Variants in LGR5 observed in about 807,000 individuals in gnomAD.
LGR5 encodes leucine-rich repeat-containing G protein-coupled receptor 5.
In LGR5, 54 loss-of-function variants were observed where a neutral mutation model predicts 76.7. The observed-to-expected ratio is 0.70, with a 90% CI of 0.57 to 0.88. LGR5 has a LOEUF of 0.88. Ranked by LOEUF, LGR5 falls within the 40% of genes least tolerant of loss-of-function variation. LGR5 has a pLI of 0.00. For synonymous variants in LGR5, 406 were observed against 421.9 expected (o/e 0.96, Z 0.46); for missense variants, 1,078 against 1,073.3 (o/e 1.00, Z -0.06).
intron 9 of LGR5, 68 bp downstream of exon 9, chr12:71,566,543 TTA>T: frequency 1.3e-6 from 2 of 1,527,568 alleles, no homozygotes; most frequent in Non-Finnish European, 1.8e-6. Context: ...CAAATGAATA[TTA>T]TAGGTTGAAG....
At chr12:71,450,800 T>C (rs1872217764) in intron 1 of LGR5, among the ~76,000 whole-genome samples, 1 of 152,160 alleles carries the variant, frequency 6.6e-6, no homozygotes, top group African/African-American at 2.4e-5. Flanking sequence ...ATGGTCTACG[T>C]AGACCTCGAA....
intron 1 of LGR5, among the ~76,000 whole-genome samples, chr12:71,481,558 T>A (rs1873603680): frequency 6.6e-6 from 1 of 152,182 alleles, no homozygotes; most frequent in Non-Finnish European, 1.5e-5. Context: ...ATTAAACATA[T>A]GTGTGCGTGT....
chr12:71,493,207 A>G (rs1438772175), intron 1 of LGR5, among the ~76,000 whole-genome samples: 6 of 151,344 alleles, frequency 4.0e-5, no homozygotes, highest in Admixed American at 2.6e-4. Context: ...TTTTTCGGCT[A>G]TTTTTCTGGC....
intron 3 of LGR5, among the ~76,000 whole-genome samples, chr12:71,532,502 C>T (rs1005097171): frequency 2.0e-5 from 3 of 152,064 alleles, no homozygotes; most frequent in African/African-American, 4.8e-5. Flanking sequence ...GTAATACAAA[C>T]GTAATTACGT....
chr12:71,477,241 C>A (rs1280628411), intron 1 of LGR5, among the ~76,000 whole-genome samples: 1 of 151,980 alleles, frequency 6.6e-6, no homozygotes, highest in East Asian at 1.9e-4. Flanking sequence ...TCACCACAAA[C>A]AATAACCCTG....
intron 1 of LGR5, among the ~76,000 whole-genome samples, chr12:71,502,958 A>G (rs916040905): frequency 6.6e-6 from 1 of 152,212 alleles, no homozygotes; most frequent in African/African-American, 2.4e-5. Flanking sequence ...GAGAAAATCT[A>G]TGCTCTCCAC....
At chr12:71,552,083 G>A (rs979317597) in intron 4 of LGR5, among the ~76,000 whole-genome samples, 3 of 151,746 alleles carry the variant, frequency 2.0e-5, no homozygotes, top group East Asian at 1.9e-4. Context: ...GGGGCCTGTC[G>A]GCAGGTGGGG....
At chr12:71,560,676 C>T (rs564192655) in intron 7 of LGR5, among the ~76,000 whole-genome samples, 1 of 152,330 alleles carries the variant, frequency 6.6e-6, no homozygotes, top group Non-Finnish European at 1.5e-5. Flanking sequence ...CCTATAATCC[C>T]AGCTTCTTGG....
intron 2 of LGR5, among the ~76,000 whole-genome samples, chr12:71,521,902 C>A (rs1004828598): frequency 2.6e-5 from 4 of 152,200 alleles, no homozygotes; most frequent in African/African-American, 2.4e-5. Context: ...TAGTAAGACA[C>A]AAAGTGCTAC....
At chr12:71,465,075 C>T (rs926335387) in intron 1 of LGR5, among the ~76,000 whole-genome samples, 7 of 152,140 alleles carry the variant, frequency 4.6e-5, no homozygotes, top group Admixed American at 3.9e-4. Context: ...TGGAGGCAGG[C>T]GTCCCCCTCC....
intron 1 of LGR5, among the ~76,000 whole-genome samples, chr12:71,450,610 C>G (rs970558629): frequency 7.9e-5 from 12 of 152,186 alleles, no homozygotes; most frequent in African/African-American, 1.9e-4. Context: ...GGCCCAGCCT[C>G]TGTTCATAGT....
intron 4 of LGR5, among the ~76,000 whole-genome samples, chr12:71,538,440 CAAG>C (rs1418829505): frequency 1.3e-5 from 2 of 152,102 alleles, no homozygotes; most frequent in African/African-American, 4.8e-5. Flanking sequence ...CACTTGAACT[CAAG>C]AAGAATTCGA....
chr12:71,581,229 T>C (rs1036767902), intron 16 of LGR5, among the ~76,000 whole-genome samples: 1 of 152,242 alleles, frequency 6.6e-6, no homozygotes, highest in Non-Finnish European at 1.5e-5. Flanking sequence ...CAACTAATTC[T>C]AAATCATTCT....
rs1050515415 is a variant in LGR5 at position 71,495,874 on chromosome 12, G to A, written c.213-8740G>A. On this transcript the variant is annotated intron_variant, in intron 1 of 17. Transcript: ENST00000266674. ...CCCTTTCCTTACTTATCAGTGTATA[G>A]TTTCACTTGTTACAGCAAGTATGTT... Among the ~76,000 whole-genome samples the A allele has an allele frequency of 2.0e-5, 3 of 151,768 alleles. 1 individual carries two copies. Among genetic ancestry groups the A allele is most frequent in the African/African-American group, 7.3e-5 (3 of 41,066 alleles).
Position 71,511,558 on chromosome 12 carries a change from A to G in LGR5, c.284+6873A>G, listed in dbSNP as rs190739003. ...AAACCACGCATCTCTGGGCCCCATCACAGAATTTCAGCAGGCCAGGGATTG... is the reference window on the plus strand; with the variant it reads ...AAACCACGCATCTCTGGGCCCCATCGCAGAATTTCAGCAGGCCAGGGATTG... On this transcript the variant is annotated intron_variant, in intron 2 of 17. Coordinates refer to ENST00000266674, the MANE Select transcript of LGR5 (RefSeq NM_003667.4). Among the ~76,000 whole-genome samples, 4 of 152,282 alleles carry G rather than the reference A, an allele frequency of 2.6e-5. No individual in the cohort carries two copies. In the East Asian group the frequency reaches 5.8e-4, roughly 22 times the overall value.
intron 6 of LGR5, among the ~76,000 whole-genome samples, chr12:71,559,264 G>GC (rs1398301949): frequency 6.9e-6 from 1 of 145,394 alleles, no homozygotes; most frequent in Non-Finnish European, 1.5e-5. Context: ...CCATCCGCCA[G>GC]CCGTCAACAC....
chr12:71,550,136 C>A (rs1296447509), intron 4 of LGR5, among the ~76,000 whole-genome samples: 3 of 151,988 alleles, frequency 2.0e-5, no homozygotes, highest in Non-Finnish European at 4.4e-5. Context: ...TTGCAATGAA[C>A]TTTTTTGTCA....
rs767869478 is a variant in LGR5 at position 71,578,880 on chromosome 12, A to AATC, written c.1360_1362dup (p.His454dup). 7 of 1,612,938 alleles carry AATC rather than the reference A, an allele frequency of 4.3e-6. No homozygotes were observed. The highest frequency in any genetic ancestry group is 5.9e-6 in the Non-Finnish European group (7 of 1,179,316). Reference sequence around the variant, plus strand: ...TTTAACTCACTTAAAATTAACAGGAAATCATGCCTTACAGAGCTTGATATC... The same window carrying AATC: ...TTTAACTCACTTAAAATTAACAGGAAATCATCATGCCTTACAGAGCTTGATATC... On this transcript the variant is annotated inframe_insertion, in exon 15 of 18. Transcript: ENST00000266674.
At chr12:71,477,353 AGG>A (rs1413657753) in intron 1 of LGR5, among the ~76,000 whole-genome samples, 1 of 152,046 alleles carries the variant, frequency 6.6e-6, no homozygotes, top group Non-Finnish European at 1.5e-5. Flanking sequence ...AGGAGTGGAA[AGG>A]GTGGGACACG....
Sources: allele counts gnomAD v4.1 joint callset (sites outside exome capture counted in the v4.1 genomes callset), GRCh38; gene constraint gnomAD v4.1.1; transcripts MANE v1.5; gene names NCBI Gene and HGNC (gene_info 2026-07-23, HGNC 2026-07-21).